DAP: variants seen among roughly 807,000 people sequenced by gnomAD.
The protein encoded by DAP is death associated protein.
Under a neutral mutation model 13.8 loss-of-function variants are expected in DAP, and 8 were observed. The observed-to-expected ratio is 0.58, with a 90% CI of 0.34 to 1.05. DAP has a LOEUF of 1.05. Among genes scored for constraint, DAP ranks in the 50% least tolerant of loss-of-function variants. The pLI is 0.03. For missense variants in DAP, 106 were observed against 133.2 expected, an observed-to-expected ratio of 0.80 and a Z score of 1.01; for synonymous variants, 47 against 47.5, an observed-to-expected ratio of 0.99 and a Z score of 0.04.
intron 2 of DAP, among the ~76,000 whole-genome samples, chr5:10,741,333 G>A (rs1176119755): frequency 1.3e-5 from 2 of 152,180 alleles, no homozygotes; most frequent in African/African-American, 4.8e-5. Context: ...AGCCTGGGTG[G>A]CAGAGTGAGA....
intron 2 of DAP, among the ~76,000 whole-genome samples, chr5:10,741,345 C>T (rs1739749432): frequency 1.3e-5 from 2 of 152,042 alleles, no homozygotes; most frequent in Admixed American, 1.3e-4. Context: ...AGAGTGAGAC[C>T]CTGTCTCAAA....
intron 2 of DAP, among the ~76,000 whole-genome samples, chr5:10,698,282 CAAAAA>C (rs71613386): frequency 2.1e-4 from 9 of 42,902 alleles, no homozygotes; most frequent in Non-Finnish European, 4.1e-4. Flanking sequence ...CCAGACTTAG[CAAAAA>C]AAAAAAAAAA....
At chr5:10,718,197 G>A (rs890160610) in intron 2 of DAP, among the ~76,000 whole-genome samples, 1 of 152,174 alleles carries the variant, frequency 6.6e-6, no homozygotes, top group Non-Finnish European at 1.5e-5. Context: ...GTTGATTCCA[G>A]GGGACTCAAA....
At chr5:10,721,906 G>C (rs944576540) in intron 2 of DAP, among the ~76,000 whole-genome samples, 1 of 152,208 alleles carries the variant, frequency 6.6e-6, no homozygotes, top group Non-Finnish European at 1.5e-5. Flanking sequence ...TTTATTGTGT[G>C]ACATAAGATT....
intron 2 of DAP, among the ~76,000 whole-genome samples, chr5:10,723,307 C>T (rs1456696137): frequency 6.6e-6 from 1 of 152,316 alleles, no homozygotes; most frequent in East Asian, 1.9e-4. Context: ...TAATTCAACG[C>T]CCTATATATA....
chr5:10,735,253 G>C (rs1054223121), intron 2 of DAP, among the ~76,000 whole-genome samples: 3 of 152,172 alleles, frequency 2.0e-5, no homozygotes, highest in African/African-American at 7.2e-5. Context: ...GCAAAGGGAA[G>C]CGCTCCTGCC....
chr5:10,752,128 T>G (rs1740062130), intron 1 of DAP, among the ~76,000 whole-genome samples: 1 of 152,264 alleles, frequency 6.6e-6, no homozygotes, highest in Non-Finnish European at 1.5e-5. Flanking sequence ...CTTCTGAAGC[T>G]CCTGCAGGGC....
chr5:10,694,012 T>C (rs919852692), intron 2 of DAP, among the ~76,000 whole-genome samples: 1 of 152,156 alleles, frequency 6.6e-6, no homozygotes, highest in East Asian at 1.9e-4. Context: ...GGAACCTTGC[T>C]TGGGGTCCTG....
chr5:10,698,282 C>CAAAAAAA (rs71613386), intron 2 of DAP, among the ~76,000 whole-genome samples: 35 of 42,884 alleles, frequency 8.2e-4, no homozygotes, highest in Non-Finnish European at 1.2e-3. Context: ...CCAGACTTAG[C>CAAAAAAA]AAAAAAAAAA....
intron 1 of DAP, among the ~76,000 whole-genome samples, 160 bp downstream of exon 1, chr5:10,760,854 C>A (rs1312274092): frequency 2.0e-5 from 3 of 151,710 alleles, no homozygotes; most frequent in East Asian, 3.9e-4. Context: ...GGCCTGGGCG[C>A]CCGACCTCTC....
intron 2 of DAP, among the ~76,000 whole-genome samples, chr5:10,696,061 C>T (rs1738431406): frequency 1.3e-5 from 2 of 152,168 alleles, no homozygotes; most frequent in Non-Finnish European, 2.9e-5. Context: ...GTGTGCCCAG[C>T]ACTCTTCCCA....
intron 2 of DAP, among the ~76,000 whole-genome samples, chr5:10,716,512 T>C (rs1738994226): frequency 6.6e-6 from 1 of 152,128 alleles, no homozygotes; most frequent in African/African-American, 2.4e-5. Flanking sequence ...GAAGGCAGAC[T>C]CACCCTTAAT....
At chr5:10,683,615 A>G in intron 2 of DAP, 44 bp from the exon 3 acceptor site, 1 of 1,586,276 alleles carries the variant, frequency 6.3e-7, no homozygotes, top group Non-Finnish European at 8.7e-7. Context: ...AAAACAGTCC[A>G]CAACAGGGAA....
intron 2 of DAP, among the ~76,000 whole-genome samples, chr5:10,691,611 T>G (rs967300000): frequency 1.3e-5 from 2 of 152,234 alleles, no homozygotes; most frequent in Admixed American, 1.3e-4. Flanking sequence ...TGAAAATCAT[T>G]CTGACAGATG....
At chr5:10,704,597 A>C (rs898019711) in intron 2 of DAP, among the ~76,000 whole-genome samples, 4 of 152,198 alleles carry the variant, frequency 2.6e-5, no homozygotes, top group African/African-American at 9.7e-5. Flanking sequence ...GTATAGAGTA[A>C]AATTGGATTC....
At chr5:10,728,222 ATATT>A (rs1351876933) in intron 2 of DAP, among the ~76,000 whole-genome samples, 3 of 152,244 alleles carry the variant, frequency 2.0e-5, no homozygotes, top group Non-Finnish European at 4.4e-5. Flanking sequence ...TTGTTTACAA[ATATT>A]TATTCTTTTG....
At chr5:10,709,870 A>G (rs5745245) in intron 2 of DAP, among the ~76,000 whole-genome samples, 7,849 of 152,296 alleles carry the variant, frequency 0.052, 281 homozygotes, top group Middle Eastern at 0.092. Flanking sequence ...TCTTTAGGGC[A>G]ATGATGTCCT....
chr5:10,756,648 C>A (rs1561038022), intron 1 of DAP, among the ~76,000 whole-genome samples: 1 of 152,182 alleles, frequency 6.6e-6, no homozygotes, highest in Admixed American at 6.5e-5. Flanking sequence ...TATCATGTAG[C>A]AGATTTATGA....
At chr5:10,753,262 C>T (rs1435397973) in intron 1 of DAP, among the ~76,000 whole-genome samples, 1 of 152,238 alleles carries the variant, frequency 6.6e-6, no homozygotes, top group African/African-American at 2.4e-5. Context: ...CCAGCGGCCC[C>T]AAATCGCACA....
Sources: gnomAD v4.1 joint callset for allele counts (sites outside exome capture counted in the v4.1 genomes callset) on GRCh38, gnomAD v4.1.1 for gene constraint, MANE v1.5 for transcripts, NCBI Gene and HGNC (gene_info 2026-07-23, HGNC 2026-07-21) for gene names.